The following TIAM1 variants were observed in gnomAD, a reference collection of about 807,000 sequenced individuals.
TIAM1 encodes the protein rho guanine nucleotide exchange factor TIAM1.
Under a neutral mutation model 163.5 loss-of-function variants are expected in TIAM1, and 65 were observed. The observed-to-expected ratio is 0.40, with a 90% CI of 0.33 to 0.49. TIAM1 has a LOEUF of 0.49. Among genes scored for constraint, TIAM1 ranks in the 20% least tolerant of loss-of-function variants. TIAM1 has a pLI of 0.77. For synonymous variants in TIAM1, 833 were observed against 810.1 expected (o/e 1.03, Z -0.48); for missense variants, 1,789 against 2,044.7 (o/e 0.87, Z 2.41).
At chr21:31,401,293 C>T (rs1213706029) in intron 2 of TIAM1, among the ~76,000 whole-genome samples, 2 of 152,130 alleles carry the variant, frequency 1.3e-5, no homozygotes, top group Non-Finnish European at 2.9e-5. Flanking sequence ...TGTTAGTAAC[C>T]AGCTCTTCAT....
chr21:31,178,303 CTTTTTT>C (rs10671534), intron 15 of TIAM1, among the ~76,000 whole-genome samples: 1 of 96,160 alleles, frequency 1.0e-5, no homozygotes, highest in Non-Finnish European at 1.9e-5. Context: ...TTCAGGAATT[CTTTTTT>C]TTTTTTTTTT....
intron 2 of TIAM1, among the ~76,000 whole-genome samples, chr21:31,394,855 C>T (rs1162718447): frequency 6.6e-6 from 1 of 152,086 alleles, no homozygotes; most frequent in East Asian, 1.9e-4. Flanking sequence ...ATTCCCTCCA[C>T]CTCCTTGCCC....
rs1333118472 is a variant in TIAM1, at chr21:31,425,059, A to C, written c.-369+38924T>G. The stretch of plus-strand genomic sequence containing the variant: ...CAGAGCAGGACTCCGTCTCAAACAA[A>C]AAAAAAAAAAGAAAACAAAACAAAA... On this transcript the variant is annotated intron_variant, in intron 2 of 28. Transcript: ENST00000286827. Among the ~76,000 whole-genome samples the C allele has an allele frequency of 4.6e-5, 7 of 151,304 alleles. No individual in the cohort carries two copies. In the South Asian group the frequency reaches 6.2e-4, roughly 13 times the overall value.
At chr21:31,508,224 T>C (rs2047095166) in intron 1 of TIAM1, among the ~76,000 whole-genome samples, 1 of 152,106 alleles carries the variant, frequency 6.6e-6, no homozygotes, top group Admixed American at 6.5e-5. Flanking sequence ...GGAGACTACA[T>C]TTGCATTGCT....
intron 2 of TIAM1, among the ~76,000 whole-genome samples, chr21:31,353,936 T>C (rs1328733514): frequency 7.0e-6 from 1 of 141,966 alleles, no homozygotes; most frequent in East Asian, 2.3e-4. Context: ...CCTCCTGGGT[T>C]CAAGCGATTC....
intron 1 of TIAM1, among the ~76,000 whole-genome samples, chr21:31,503,132 C>T (rs1358649680): frequency 6.6e-6 from 1 of 152,046 alleles, no homozygotes; most frequent in Non-Finnish European, 1.5e-5. Context: ...CGGTGGTTCA[C>T]GCCTGTAATC....
chr21:31,520,673 G>T (rs1329201001), intron 1 of TIAM1, among the ~76,000 whole-genome samples: 1 of 152,284 alleles, frequency 6.6e-6, no homozygotes, highest in East Asian at 1.9e-4. Context: ...TTCCCTCTCT[G>T]TGTTTATGAA....
intron 3 of TIAM1, among the ~76,000 whole-genome samples, chr21:31,271,677 G>T (rs1421007815): frequency 6.6e-6 from 1 of 151,984 alleles, no homozygotes; most frequent in Non-Finnish European, 1.5e-5. Flanking sequence ...CAGAGGTTCA[G>T]GAATGAGGTT....
At chr21:31,432,945 T>A (rs1416868666) in intron 2 of TIAM1, among the ~76,000 whole-genome samples, 1 of 152,100 alleles carries the variant, frequency 6.6e-6, no homozygotes, top group African/African-American at 2.4e-5. Flanking sequence ...AAAAGGGGCA[T>A]TGGAGGGGAC....
At position 31,147,547 on chromosome 21, in the gene TIAM1, C is replaced by T. The variant is rs142785255; in HGVS notation, c.3367-544G>A. ...AGGTATCATCTCCCCAGCCTCTCTG[C>T]CCTGTCCCAGTAGGATCACAACTGG... On this transcript the variant is annotated intron_variant, in intron 19 of 27. Coordinates refer to ENST00000541036, the MANE Select transcript of TIAM1 (RefSeq NM_001353694.2). 3.6e-3 allele frequency among the ~76,000 whole-genome samples: 549 copies of T among 151,552 alleles called. 1 individual carries two copies. Among genetic ancestry groups the T allele is most frequent in the Middle Eastern group, 0.024 (7 of 292 alleles).
intron 12 of TIAM1, 33 bp downstream of exon 12, chr21:31,202,875 T>C (rs764803285): frequency 1.9e-6 from 3 of 1,570,038 alleles, no homozygotes; most frequent in East Asian, 2.2e-5. Context: ...TAATCTCCCA[T>C]AAAGTGTGCT....
At position 31,399,503 on chromosome 21, in the gene TIAM1, A is replaced by G. The variant is rs557454253; in HGVS notation, c.-368-60081T>C. Among the ~76,000 whole-genome samples the G allele has an allele frequency of 3.9e-4, 59 of 152,310 alleles. No individual in the cohort carries two copies. In the South Asian group the frequency reaches 0.012, roughly 30 times the overall value. ...CTGACAGAATGAATTGTATGCATCC[A>G]CTGTGGGGGGAAATACCTTCTTCAT... On this transcript the variant is annotated intron_variant, in intron 2 of 28. Transcript: ENST00000286827.
chr21:31,558,697 T>C (rs2048980706), intron 1 of TIAM1, among the ~76,000 whole-genome samples: 1 of 151,992 alleles, frequency 6.6e-6, no homozygotes. Flanking sequence ...GAGGGATGCC[T>C]CCTCCTGCCT....
At chr21:31,515,317 A>G (rs1342792578) in intron 1 of TIAM1, among the ~76,000 whole-genome samples, 13 of 151,908 alleles carry the variant, frequency 8.6e-5, no homozygotes. Flanking sequence ...GAAATCCTCA[A>G]AGTGTGGTCC....
chr21:31,190,254 TA>T (rs1215818833), intron 13 of TIAM1, among the ~76,000 whole-genome samples: 1 of 151,922 alleles, frequency 6.6e-6, no homozygotes, highest in African/African-American at 2.4e-5. Context: ...AAATTTTTTT[TA>T]AAAAATTAGC....
intron 15 of TIAM1, among the ~76,000 whole-genome samples, chr21:31,178,280 A>G (rs1338262800): frequency 1.3e-5 from 2 of 149,310 alleles, no homozygotes; most frequent in East Asian, 2.0e-4. Flanking sequence ...TTGGGCTGCT[A>G]CTTGACCAAG....
intron 2 of TIAM1, among the ~76,000 whole-genome samples, chr21:31,428,980 T>A (rs2043899811): frequency 6.6e-6 from 1 of 151,128 alleles, no homozygotes; most frequent in African/African-American, 2.5e-5. Flanking sequence ...GGTGGCAGAA[T>A]TGATACAACC....
intron 1 of TIAM1, among the ~76,000 whole-genome samples, chr21:31,543,652 G>A (rs1354656185): frequency 6.6e-6 from 1 of 152,192 alleles, no homozygotes; most frequent in Non-Finnish European, 1.5e-5. Context: ...AAATAGAAAT[G>A]TCCCAGATCT....
At chr21:31,516,037 G>C (rs2047368698) in intron 1 of TIAM1, among the ~76,000 whole-genome samples, 1 of 151,548 alleles carries the variant, frequency 6.6e-6, no homozygotes, top group Non-Finnish European at 1.5e-5. Flanking sequence ...GAACCCAGGA[G>C]GCGGAGGTTG....
Sources: gnomAD v4.1 joint callset for allele counts (sites outside exome capture counted in the v4.1 genomes callset) on GRCh38, gnomAD v4.1.1 for gene constraint, MANE v1.5 for transcripts, NCBI Gene and HGNC (gene_info 2026-07-23, HGNC 2026-07-21) for gene names.